Variants in KNTC1 observed in about 807,000 individuals in gnomAD.
The protein encoded by KNTC1 is kinetochore-associated protein 1.
In KNTC1, 253 loss-of-function variants were observed where a neutral mutation model predicts 314.4. The ratio of observed to expected loss-of-function variants is 0.80; its 90% CI spans 0.73 to 0.89. The LOEUF is 0.89. Among genes scored for constraint, KNTC1 ranks in the 40% least tolerant of loss-of-function variants. The pLI is 0.00. For missense variants in KNTC1, 2,475 were observed against 2,572.9 expected (o/e 0.96, Z 0.82); for synonymous variants, 901 against 901.4 (o/e 1.00, Z 0.01).
intron 44 of KNTC1, among the ~76,000 whole-genome samples, chr12:122,601,326 C>T (rs1871864908): frequency 1.3e-5 from 2 of 152,084 alleles, no homozygotes; most frequent in Admixed American, 1.3e-4. Context: ...ACCTCGTGAT[C>T]CACCCGCCTC....
At chr12:122,543,255 C>T (rs1962488707) in intron 6 of KNTC1, among the ~76,000 whole-genome samples, 1 of 152,116 alleles carries the variant, frequency 6.6e-6, no homozygotes. Flanking sequence ...GCCTGTGCTA[C>T]GTCTTGGGTA....
At position 122,601,771 on chromosome 12, in the gene KNTC1, C is replaced by T. The variant is rs1029509757; in HGVS notation, c.4653+146C>T. The T allele has an allele frequency of 6.0e-6, 5 of 832,300 alleles. No homozygotes were observed. In the African/African-American group the frequency reaches 7.2e-5, roughly 12 times the overall value. The allele number at this position is 832,300 out of a possible 1,614,324, so 51.6% of individuals were successfully genotyped here. On this transcript the variant is annotated intron_variant, in intron 45 of 63. Transcript: ENST00000333479. ...TATTTTAGGTTTTTAAAAATCTTTA[C>T]AAATCTTTAAAAAAAGAAAAAGATT... is the stretch of plus-strand genomic sequence containing the variant.
At chr12:122,624,480 C>T in intron 62 of KNTC1, 118 bp from the exon 63 acceptor site, 1 of 608,902 alleles carries the variant, frequency 1.6e-6, no homozygotes, top group Non-Finnish European at 2.9e-6. Flanking sequence ...GTTGCCCAGG[C>T]TAGTCTCAAA....
At chr12:122,620,168 C>CA (rs10719316) in intron 59 of KNTC1, 1,228 of 99,140 alleles carry the variant, frequency 0.012, 3 homozygotes, top group South Asian at 0.048. Flanking sequence ...GACTGTTTCT[C>CA]AAAAAAAAAA....
intron 3 of KNTC1, among the ~76,000 whole-genome samples, chr12:122,537,150 C>G (rs1229519063): frequency 6.6e-6 from 1 of 152,198 alleles, no homozygotes; most frequent in Non-Finnish European, 1.5e-5. Context: ...CCTTGGCCTT[C>G]TTGCTTTTGC....
At chr12:122,560,186 A>G (rs995123162) in intron 18 of KNTC1, among the ~76,000 whole-genome samples, 1 of 152,104 alleles carries the variant, frequency 6.6e-6, no homozygotes, top group African/African-American at 2.4e-5. Context: ...AAATGACAGA[A>G]TTTCTTTCTT....
chr12:122,543,453 G>A (rs1962504417), intron 6 of KNTC1, 147 bp from the exon 7 acceptor site: 2 of 588,656 alleles, frequency 3.4e-6, no homozygotes, highest in African/African-American at 1.9e-5. Flanking sequence ...GTCACAGTTA[G>A]CGTATTTTGG....
At chr12:122,625,183 A>T (rs1874886332) in intron 63 of KNTC1, among the ~76,000 whole-genome samples, 1 of 152,094 alleles carries the variant, frequency 6.6e-6, no homozygotes, top group South Asian at 2.1e-4. Context: ...GGGGCAGATT[A>T]CCTGAGGCCA....
chr12:122,583,006 A>G (rs1020300951), intron 34 of KNTC1, 21 bp downstream of exon 34: 3 of 1,585,878 alleles, frequency 1.9e-6, no homozygotes, highest in Admixed American at 1.8e-5. Context: ...AGATCCCTGA[A>G]TTGCATAGCT....
intron 16 of KNTC1, 110 bp from the exon 17 acceptor site, chr12:122,557,274 A>T (rs540142233): frequency 2.0e-6 from 2 of 984,074 alleles, no homozygotes; most frequent in Admixed American, 5.1e-5. Context: ...GGAGCGCATG[A>T]GGATTCACCT....
At chr12:122,549,436 G>A (rs527972523) in intron 12 of KNTC1, among the ~76,000 whole-genome samples, 4 of 151,992 alleles carry the variant, frequency 2.6e-5, no homozygotes, top group South Asian at 2.1e-4. Context: ...TGCAACCTCC[G>A]TCTCCTGGGT....
intron 30 of KNTC1, 97 bp from the exon 31 acceptor site, chr12:122,577,575 A>G: frequency 8.7e-7 from 1 of 1,150,344 alleles, no homozygotes; most frequent in Non-Finnish European, 1.2e-6. Context: ...TTTCCAAATG[A>G]TGTATTTTCA....
At chr12:122,556,730 T>TG (rs371507343) in intron 16 of KNTC1, among the ~76,000 whole-genome samples, 113 of 152,086 alleles carry the variant, frequency 7.4e-4, no homozygotes, top group African/African-American at 2.6e-3. Flanking sequence ...CCCAAAGTGC[T>TG]GGGATTACAG....
intron 27 of KNTC1, among the ~76,000 whole-genome samples, chr12:122,574,585 A>T (rs1198025982): frequency 6.6e-6 from 1 of 152,100 alleles, no homozygotes; most frequent in African/African-American, 2.4e-5. Context: ...CAGCCTCCTG[A>T]GTAGTTAGGA....
intron 22 of KNTC1, among the ~76,000 whole-genome samples, chr12:122,570,674 T>G (rs1044087170): frequency 6.6e-6 from 1 of 152,296 alleles, no homozygotes; most frequent in African/African-American, 2.4e-5. Context: ...TATTTCACAT[T>G]GCTTGCCTGT....
At position 122,569,697 on chromosome 12, in the gene KNTC1, GA is replaced by G; in HGVS notation, c.1734del (p.Arg578SerfsTer4). The G allele has an allele frequency of 6.2e-7, 1 of 1,612,106 alleles. No individual in the cohort carries two copies. On this transcript the variant is annotated frameshift_variant, in exon 22 of 64. Coordinates refer to ENST00000333479, the MANE Select transcript of KNTC1 (RefSeq NM_014708.6). LOFTEE classifies it high-confidence loss of function. ...WLRHRANFES[R>X]FDVKMLESLL... ...ATAATTTAGGCAAACTTTGAAAGCA[GA>G]TTTGATGTGAAAATGCTGGAGAGCT...
chr12:122,624,091 A>AT (rs1272762167), intron 62 of KNTC1, among the ~76,000 whole-genome samples: 2 of 152,076 alleles, frequency 1.3e-5, no homozygotes, highest in Admixed American at 1.3e-4. Context: ...AAAAAGAACA[A>AT]TGTGTAACAT....
chr12:122,562,735 C>T (rs1186103961), intron 20 of KNTC1, 36 bp downstream of exon 20: 1 of 1,272,278 alleles, frequency 7.9e-7, no homozygotes, highest in South Asian at 1.2e-5. Flanking sequence ...TTAGGCCAGG[C>T]ATGGTGTCTC....
intron 11 of KNTC1, 102 bp from the exon 12 acceptor site, chr12:122,547,813 T>C: frequency 3.0e-6 from 2 of 674,672 alleles, no homozygotes; most frequent in East Asian, 5.8e-5. Context: ...AGTTTATATC[T>C]TGTAATTGGC....
Sources: allele counts gnomAD v4.1 joint callset (sites outside exome capture counted in the v4.1 genomes callset), GRCh38; gene constraint gnomAD v4.1.1; transcripts MANE v1.5; gene names NCBI Gene and HGNC (gene_info 2026-07-23, HGNC 2026-07-21).